The following PRELID2 variants were observed in gnomAD, a reference collection of about 807,000 sequenced individuals.
PRELID2 encodes PRELI domain-containing protein 2.
A neutral mutation model predicts 28.4 loss-of-function variants in PRELID2; 25 were observed. The ratio of observed to expected loss-of-function variants is 0.88; its 90% CI spans 0.64 to 1.23. The LOEUF is 1.23. PRELID2 is among the 50% of genes most tolerant of loss of function. PRELID2 has a pLI of 0.00. For missense variants in PRELID2, 201 were observed against 214.4 expected (o/e 0.94, Z 0.39); for synonymous variants, 76 against 71.6 (o/e 1.06, Z -0.31).
At chr5:145,288,607 G>A in the PRELID2 span, among the ~76,000 whole-genome samples, 5 of 152,234 alleles carry the variant, frequency 3.3e-5, no homozygotes, top group South Asian at 1.0e-3. Flanking sequence ...TGTGCTGGTT[G>A]CTACTGAGTA....
chr5:145,454,457 G>A, the PRELID2 span, among the ~76,000 whole-genome samples: 1 of 152,136 alleles, frequency 6.6e-6, no homozygotes, highest in African/African-American at 2.4e-5. Context: ...AGGAAATAAA[G>A]GGTATTCAAT....
chr5:145,533,143 A>G (rs748729459), intron 1 of PRELID2, among the ~76,000 whole-genome samples: 1 of 152,012 alleles, frequency 6.6e-6, no homozygotes, highest in Non-Finnish European at 1.5e-5. Flanking sequence ...TATCACCACT[A>G]TTTCCAACAA....
At chr5:145,708,372 T>G (rs1415580066) in intron 1 of PRELID2, among the ~76,000 whole-genome samples, 1 of 152,186 alleles carries the variant, frequency 6.6e-6, no homozygotes, top group Admixed American at 6.5e-5. Context: ...GCTTAACCTC[T>G]CTGGGAACCA....
chr5:145,409,561 C>G, the PRELID2 span, among the ~76,000 whole-genome samples: 2 of 151,902 alleles, frequency 1.3e-5, no homozygotes, highest in African/African-American at 4.8e-5. Context: ...AAAAAACAAG[C>G]AATAGTAGCT....
the PRELID2 span, among the ~76,000 whole-genome samples, chr5:145,303,469 T>C: frequency 2.6e-5 from 4 of 152,288 alleles, no homozygotes; most frequent in East Asian, 1.9e-4. Flanking sequence ...TAAGCTCTTA[T>C]AGAGAACTCA....
intron 1 of PRELID2, among the ~76,000 whole-genome samples, chr5:145,499,017 A>T (rs1056128997): frequency 6.6e-6 from 1 of 152,198 alleles, no homozygotes; most frequent in Non-Finnish European, 1.5e-5. Flanking sequence ...AATATCTTTT[A>T]AAGTATATTA....
chr5:145,445,946 CAGT>C, the PRELID2 span, among the ~76,000 whole-genome samples: 1 of 151,848 alleles, frequency 6.6e-6, no homozygotes, highest in African/African-American at 2.4e-5. Flanking sequence ...CAGTGGTAAA[CAGT>C]AGAATAGAGG....
the PRELID2 span, among the ~76,000 whole-genome samples, chr5:145,459,872 C>T: frequency 4.7e-5 from 7 of 149,352 alleles, no homozygotes; most frequent in Non-Finnish European, 8.9e-5. Context: ...TGCAGTGATG[C>T]GATCTTGGCT....
chr5:145,300,113 T>G, the PRELID2 span, among the ~76,000 whole-genome samples: 6 of 152,160 alleles, frequency 3.9e-5, no homozygotes, highest in Non-Finnish European at 4.4e-5. Context: ...ACTAACTGTA[T>G]GTACATTTTT....
downstream of PRELID2, among the ~76,000 whole-genome samples, chr5:145,752,703 C>T (rs926255547): frequency 2.0e-5 from 3 of 152,162 alleles, no homozygotes; most frequent in Non-Finnish European, 2.9e-5. Context: ...CTCTCCTCAC[C>T]CCACATCCTG....
rs543507001 is a variant in PRELID2, at chr5:145,498,754, A to C, written n.71-25439T>G. On this transcript the variant is annotated intron_variant and non_coding_transcript_variant, in intron 1 of 2. Coordinates refer to the PRELID2 transcript ENST00000510259. ...GTATTTTTAGTAGAGATAAGGTTTC[A>C]CCATGTTGGCCAAACTCCTGACCTC... Among the ~76,000 whole-genome samples the C allele has an allele frequency of 2.0e-5, 3 of 151,886 alleles. No individual in the cohort carries two copies. The South Asian group carries it at 6.2e-4, about 32-fold the overall frequency.
chr5:145,248,206 G>A, the PRELID2 span, among the ~76,000 whole-genome samples: 2 of 151,848 alleles, frequency 1.3e-5, no homozygotes, highest in African/African-American at 4.8e-5. Context: ...TCATTCCTTC[G>A]TTCCCCCCCC....
chr5:145,485,186 A>G (rs745816191), intron 1 of PRELID2, among the ~76,000 whole-genome samples: 1 of 152,244 alleles, frequency 6.6e-6, no homozygotes, highest in Admixed American at 6.5e-5. Flanking sequence ...AATGAATTCA[A>G]GAAAGAATTC....
At chr5:145,417,179 C>A in the PRELID2 span, among the ~76,000 whole-genome samples, 10 of 151,828 alleles carry the variant, frequency 6.6e-5, no homozygotes, top group African/African-American at 2.4e-4. Flanking sequence ...ACACATACAC[C>A]CTCCCAAGTC....
chr5:145,321,969 T>C, the PRELID2 span, among the ~76,000 whole-genome samples: 16 of 152,166 alleles, frequency 1.1e-4, no homozygotes, highest in Non-Finnish European at 1.8e-4. Context: ...TACACTGAGG[T>C]TGAGATTTAT....
intron 1 of PRELID2, among the ~76,000 whole-genome samples, chr5:145,726,921 G>A (rs57484295): frequency 0.016 from 2,491 of 152,258 alleles, 68 homozygotes; most frequent in African/African-American, 0.056. Flanking sequence ...TTGTGGTAGC[G>A]TGATCAGACC....
At chr5:145,346,156 T>A in the PRELID2 span, among the ~76,000 whole-genome samples, 2 of 152,146 alleles carry the variant, frequency 1.3e-5, no homozygotes, top group African/African-American at 4.8e-5. Flanking sequence ...AGCAAAGGGA[T>A]TGAGTTATGT....
In PRELID2 at chr5:145,562,869, T is replaced by C. The variant is rs116195271; in HGVS notation, n.71-89554A>G. Among the ~76,000 whole-genome samples, 313 of 152,216 alleles carry C rather than the reference T, an allele frequency of 2.1e-3. 1 individual carries two copies. Among genetic ancestry groups the C allele is most frequent in the African/African-American group, 7.2e-3 (298 of 41,516 alleles). Reference sequence around the variant, plus strand: ...ATAATTCTGGCACTTTAGGCCAAAGTAGAGTTTTTTTCTAGAGCCAATGAC... The same window carrying C: ...ATAATTCTGGCACTTTAGGCCAAAGCAGAGTTTTTTTCTAGAGCCAATGAC... On this transcript the variant is annotated intron_variant and non_coding_transcript_variant, in intron 1 of 2. Transcript: ENST00000510259.
chr5:145,566,588 C>T (rs528734117), intron 1 of PRELID2, among the ~76,000 whole-genome samples: 2 of 152,096 alleles, frequency 1.3e-5, no homozygotes, highest in East Asian at 3.9e-4. Context: ...GCCTGTAATC[C>T]CAGCACTTTG....
Sources: gnomAD v4.1 joint callset for allele counts (sites outside exome capture counted in the v4.1 genomes callset) on GRCh38, gnomAD v4.1.1 for gene constraint, MANE v1.5 for transcripts, NCBI Gene and HGNC (gene_info 2026-07-23, HGNC 2026-07-21) for gene names.